Variants in GALNT17 observed in about 807,000 individuals in gnomAD.
The protein encoded by GALNT17 is polypeptide N-acetylgalactosaminyltransferase 17, also known as UDP-GalNAc:polypeptide N-acetylgalactosaminyltransferase-like 3.
A neutral mutation model predicts 63.7 loss-of-function variants in GALNT17; 29 were observed. The observed-to-expected ratio is 0.46, with a 90% confidence interval of 0.34 to 0.62. The LOEUF (loss-of-function observed/expected upper bound fraction) is 0.62, where lower values mean the gene tolerates loss of function less well. Ranked by LOEUF, GALNT17 falls within the 20% of genes least tolerant of loss-of-function variation. The pLI is 0.01. For synonymous variants in GALNT17, 305 were observed against 318.3 expected (o/e 0.96, Z 0.45); for missense variants, 603 against 799.6 (o/e 0.75, Z 2.97).
chr7:71,189,482 A>AC (rs1788911239), intron 1 of GALNT17, among the ~76,000 whole-genome samples: 1 of 152,158 alleles, frequency 6.6e-6, no homozygotes. Flanking sequence ...AGAGGGATTG[A>AC]TAAGACCTGG....
chr7:71,513,958 G>A (rs949402411), intron 5 of GALNT17, among the ~76,000 whole-genome samples: 16 of 152,198 alleles, frequency 1.1e-4, no homozygotes, highest in Admixed American at 2.0e-4. Context: ...TTGCAGGGCC[G>A]AGGCAGGAGG....
At chr7:71,232,292 C>T (rs1339121020) in intron 1 of GALNT17, among the ~76,000 whole-genome samples, 2 of 152,180 alleles carry the variant, frequency 1.3e-5, no homozygotes, top group African/African-American at 4.8e-5. Flanking sequence ...ACTGCCCCCA[C>T]CCCACCATCT....
At chr7:71,263,974 C>T (rs987101909) in intron 1 of GALNT17, among the ~76,000 whole-genome samples, 14 of 152,074 alleles carry the variant, frequency 9.2e-5, no homozygotes, top group Admixed American at 4.6e-4. Context: ...TGTGTGGGAG[C>T]GAGTGGGGCT....
rs1172380245 is a variant in GALNT17, at chr7:71,712,645, AC to A, written c.*502del. On this transcript the variant is annotated 3_prime_UTR_variant, in exon 11 of 11. Coordinates refer to ENST00000333538, the MANE Select transcript of GALNT17 (RefSeq NM_022479.3). ...CACTATTTCCTCCGAGGTTACTTCT[AC>A]CCAGATGACACCTGCCTGTTCACGC... 1 of 155,456 alleles carries A rather than the reference AC, an allele frequency of 6.4e-6. No individual in the cohort carries two copies. Among genetic ancestry groups the A allele is most frequent in the East Asian group, 1.9e-4 (1 of 5,210 alleles). 9.6% of individuals were successfully genotyped at this position (155,456 alleles called of 1,614,324 possible). A position where few individuals can be genotyped will look rare whatever the true frequency, so the allele number is the denominator to read the frequency against.
chr7:71,590,641 A>G (rs1035306054), intron 6 of GALNT17, among the ~76,000 whole-genome samples: 2 of 152,168 alleles, frequency 1.3e-5, no homozygotes, highest in African/African-American at 4.8e-5. Context: ...AGGGGACTCA[A>G]CCTGCCCCTA....
At chr7:71,314,929 A>G (rs1259354516) in intron 1 of GALNT17, among the ~76,000 whole-genome samples, 3 of 152,182 alleles carry the variant, frequency 2.0e-5, no homozygotes, top group African/African-American at 4.8e-5. Flanking sequence ...CAACAAAAAC[A>G]ACATCAAAAT....
chr7:71,408,759 G>A (rs1793373956), intron 3 of GALNT17, among the ~76,000 whole-genome samples: 1 of 152,008 alleles, frequency 6.6e-6, no homozygotes, highest in Non-Finnish European at 1.5e-5. Flanking sequence ...GGTAGTTCCA[G>A]GTACTCAGGA....
In GALNT17 at chr7:71,497,032, C is replaced by T. The variant is rs993900525; in HGVS notation, c.963-74253C>T. On this transcript the variant is annotated intron_variant, in intron 5 of 10. Transcript: ENST00000333538. ...CTTTGAGGCTGCAGTGAGCTATGATCAAGCCACTGGTGACACAGTGAGACC... is the reference window on the plus strand; with the variant it reads ...CTTTGAGGCTGCAGTGAGCTATGATTAAGCCACTGGTGACACAGTGAGACC... 1.8e-4 allele frequency among the ~76,000 whole-genome samples: 27 copies of T among 152,212 alleles called. 1 individual carries two copies. Among genetic ancestry groups the T allele is most frequent in the African/African-American group, 6.5e-4 (27 of 41,550 alleles).
At chr7:71,329,913 ATG>A (rs1301533792) in intron 1 of GALNT17, among the ~76,000 whole-genome samples, 24 of 116,258 alleles carry the variant, frequency 2.1e-4, no homozygotes, top group Admixed American at 6.3e-4. Context: ...GTATATATAT[ATG>A]TATGTGTGTG....
chr7:71,202,795 T>C (rs959218633), intron 1 of GALNT17, among the ~76,000 whole-genome samples: 3 of 152,202 alleles, frequency 2.0e-5, no homozygotes, highest in Non-Finnish European at 2.9e-5. Flanking sequence ...CAGCCTTTGG[T>C]AAACACCATT....
At chr7:71,455,435 T>A (rs1787336865) in intron 5 of GALNT17, among the ~76,000 whole-genome samples, 1 of 152,054 alleles carries the variant, frequency 6.6e-6, no homozygotes, top group Admixed American at 6.6e-5. Context: ...AGTCAGTCAG[T>A]TGAGGGGTTT....
At position 71,663,059 on chromosome 7, in the gene GALNT17, G is replaced by A. The variant is rs890481604; in HGVS notation, c.1081-2352G>A. Among the ~76,000 whole-genome samples the A allele has an allele frequency of 9.9e-5, 15 of 152,046 alleles. No individual in the cohort carries two copies. In the South Asian group the frequency reaches 1.0e-3, roughly 11 times the overall value. ...ACTTTCAGTTCTATTCCATTGATCC[G>A]TATGTCTGTCCTTATGCCAGTACCA... is the stretch of plus-strand genomic sequence containing the variant. On this transcript the variant is annotated intron_variant, in intron 6 of 10. Coordinates refer to ENST00000333538, the MANE Select transcript of GALNT17 (RefSeq NM_022479.3).
chr7:71,664,661 T>C (rs907288570), intron 6 of GALNT17, among the ~76,000 whole-genome samples: 3 of 152,162 alleles, frequency 2.0e-5, no homozygotes, highest in African/African-American at 7.2e-5. Context: ...TATATACATC[T>C]TGTGCTGATA....
intron 1 of GALNT17, among the ~76,000 whole-genome samples, chr7:71,194,786 AATT>A (rs1789015454): frequency 1.3e-5 from 2 of 152,180 alleles, no homozygotes; most frequent in African/African-American, 4.8e-5. Flanking sequence ...TACTCCCTTT[AATT>A]AAAGCATGCT....
chr7:71,137,623 G>A (rs1787811153), intron 1 of GALNT17, among the ~76,000 whole-genome samples: 1 of 152,122 alleles, frequency 6.6e-6, no homozygotes, highest in Admixed American at 6.5e-5. Context: ...TGTGGAGAGG[G>A]GTGGGGGCTG....
At chr7:71,623,812 T>G (rs577974238) in intron 6 of GALNT17, among the ~76,000 whole-genome samples, 24 of 152,174 alleles carry the variant, frequency 1.6e-4, no homozygotes, top group Non-Finnish European at 3.4e-4. Flanking sequence ...TGTGTACACA[T>G]GTGAGCATAC....
intron 2 of GALNT17, among the ~76,000 whole-genome samples, chr7:71,340,505 AT>A (rs1242922812): frequency 6.6e-6 from 1 of 152,186 alleles, no homozygotes; most frequent in African/African-American, 2.4e-5. Context: ...AACTATTAGT[AT>A]GGCATGCGAG....
At chr7:71,272,053 C>T (rs1208749738) in intron 1 of GALNT17, among the ~76,000 whole-genome samples, 1 of 152,214 alleles carries the variant, frequency 6.6e-6, no homozygotes, top group Non-Finnish European at 1.5e-5. Context: ...GCCACTGTGG[C>T]CAGTTGTCCC....
intron 5 of GALNT17, among the ~76,000 whole-genome samples, chr7:71,450,150 T>G: frequency 6.6e-6 from 1 of 151,728 alleles, no homozygotes; most frequent in East Asian, 1.9e-4. Flanking sequence ...TTTTTTTTTT[T>G]TTTTTGAGAC....
Sources: gnomAD v4.1 joint callset for allele counts (sites outside exome capture counted in the v4.1 genomes callset) on GRCh38, gnomAD v4.1.1 for gene constraint, MANE v1.5 for transcripts, NCBI Gene and HGNC (gene_info 2026-07-23, HGNC 2026-07-21) for gene names.